PGAP4: variants seen among roughly 807,000 people sequenced by gnomAD.
PGAP4 encodes the protein post-GPI attachment to proteins GalNAc transferase 4.
Under a neutral mutation model 28.2 loss-of-function variants are expected in PGAP4, and 12 were observed. That is an observed-to-expected ratio of 0.42 (90% CI 0.27 to 0.69). The LOEUF (loss-of-function observed/expected upper bound fraction) is 0.69, where lower values mean the gene tolerates loss of function less well. Ranked by LOEUF, PGAP4 falls within the 30% of genes least tolerant of loss-of-function variation. The probability of loss-of-function intolerance (pLI) is 0.22; values close to 1 mark genes in which losing one functional copy is unlikely to be tolerated. For synonymous variants in PGAP4, 205 were observed against 211.8 expected, an observed-to-expected ratio of 0.97 and a Z score of 0.28; for missense variants, 425 against 513.5, an observed-to-expected ratio of 0.83 and a Z score of 1.67.
intron 2 of PGAP4, chr9:101,501,590 A>G: frequency 2.3e-6 from 1 of 443,052 alleles, no homozygotes; most frequent in East Asian, 6.8e-5. Context: ...AATTGTGTGG[A>G]TTGCTTCTGG....
chr9:101,488,880 G>A (rs147486720), upstream of PGAP4, among the ~76,000 whole-genome samples: 54 of 152,262 alleles, frequency 3.5e-4, no homozygotes, highest in African/African-American at 1.3e-3. Context: ...TTTCTAGAGA[G>A]TAAGGATTCA....
At chr9:101,522,019 T>C (rs1826992975) in intron 2 of PGAP4, among the ~76,000 whole-genome samples, 1 of 152,194 alleles carries the variant, frequency 6.6e-6, no homozygotes, top group Non-Finnish European at 1.5e-5. Flanking sequence ...ATTTGCATTG[T>C]TTCAAAGGTT....
intron 2 of PGAP4, among the ~76,000 whole-genome samples, chr9:101,505,796 C>G (rs552747490): frequency 1.6e-4 from 25 of 152,202 alleles, no homozygotes; most frequent in African/African-American, 5.8e-4. Flanking sequence ...CTACCCACCC[C>G]CTTTGTAAAT....
chr9:101,483,237 T>C lies in PGAP4; in HGVS notation c.-78+3712A>G, dbSNP rs117942777. The stretch of plus-strand genomic sequence containing the variant: ...AATAATTGGCTTCTTTTGACCTCTA[T>C]GGGTCTCAGGTCCTCAGCTATAAAA... On this transcript the variant is annotated intron_variant, in intron 1 of 1. Coordinates refer to ENST00000374848, the MANE Select transcript of PGAP4 (RefSeq NM_032342.3). Among the ~76,000 whole-genome samples, 63 of 152,322 alleles carry C rather than the reference T, an allele frequency of 4.1e-4. 1 individual carries two copies. In the East Asian group the frequency reaches 0.012, roughly 29 times the overall value.
At chr9:101,477,915 G>A (rs1445049819) in intron 1 of PGAP4, among the ~76,000 whole-genome samples, 1 of 148,770 alleles carries the variant, frequency 6.7e-6, no homozygotes, top group African/African-American at 2.5e-5. Context: ...TTTTCAATGA[G>A]GGAGCGGGGG....
chr9:101,482,785 A>G (rs898480497), intron 1 of PGAP4, among the ~76,000 whole-genome samples: 3 of 151,986 alleles, frequency 2.0e-5, no homozygotes, highest in Admixed American at 2.0e-4. Flanking sequence ...CCCCTCAAGT[A>G]CTGGGGCCCT....
chr9:101,510,627 T>C (rs1826888927), intron 2 of PGAP4, among the ~76,000 whole-genome samples: 1 of 152,180 alleles, frequency 6.6e-6, no homozygotes, highest in Admixed American at 6.5e-5. Context: ...TCTTCTGCTG[T>C]TTCATAATTG....
chr9:101,492,861 C>G (rs955868736), intron 2 of PGAP4, among the ~76,000 whole-genome samples: 1 of 152,068 alleles, frequency 6.6e-6, no homozygotes, highest in Non-Finnish European at 1.5e-5. Context: ...TAAACTCCCC[C>G]TTAAACTGCT....
upstream of PGAP4, among the ~76,000 whole-genome samples, chr9:101,491,890 T>C (rs1826693422): frequency 6.8e-6 from 1 of 146,836 alleles, no homozygotes; most frequent in South Asian, 2.1e-4. Context: ...TGGCCCAGAA[T>C]ATAGCCTGTC....
chr9:101,485,116 T>C lies in PGAP4; in HGVS notation c.-78+1833A>G, dbSNP rs532159781. ...TAGCTATAATAAATTAAATGATGTA[T>C]ATATATATCTGTTTGTGGATTTTGG... On this transcript the variant is annotated intron_variant, in intron 1 of 1. Transcript: ENST00000374848. Among the ~76,000 whole-genome samples the C allele has an allele frequency of 2.0e-5, 3 of 152,222 alleles. No homozygotes were observed. The South Asian group carries it at 6.2e-4, about 32-fold the overall frequency.
At chr9:101,481,004 T>C (rs1374776982) in intron 1 of PGAP4, among the ~76,000 whole-genome samples, 1 of 151,948 alleles carries the variant, frequency 6.6e-6, no homozygotes, top group Non-Finnish European at 1.5e-5. Context: ...TGGCAAAACC[T>C]AGTCTCAACA....
chr9:101,475,771 T>C lies in PGAP4; in HGVS notation c.*110A>G. 8.0e-7 allele frequency: 1 copy of C among 1,247,676 alleles called. No homozygotes were observed. 77.3% of individuals were successfully genotyped at this position (1,247,676 alleles called of 1,614,324 possible). ...CCTCAGCTGCCCCAGTGCCTATATC[T>C]CTAACAACAGTAAACAGTGAAATAC... On this transcript the variant is annotated 3_prime_UTR_variant, in exon 2 of 2. Transcript: ENST00000374848.
intron 1 of PGAP4, chr9:101,479,940 G>C (rs1405455990): frequency 6.6e-6 from 1 of 152,038 alleles, no homozygotes; most frequent in Non-Finnish European, 1.5e-5. Flanking sequence ...TTACATCCTT[G>C]TTTCAGTGTG....
chr9:101,475,948 G>T lies in PGAP4; in HGVS notation c.1145C>A (p.Pro382Gln). The T allele has an allele frequency of 6.2e-7, 1 of 1,614,194 alleles. No homozygotes were observed. The highest frequency in any genetic ancestry group is 1.1e-5 in the South Asian group (1 of 91,082). Residue 382 changes from proline to glutamine, a missense_variant, in exon 2 of 2, where the codon CCG becomes CAG. Transcript: ENST00000374848. The part of the protein sequence containing the change: ...AKGERAYVVE[P>Q]NLVKHIGLFS... ...GAGCCCGATGTGTTTCACGAGGTTC[G>T]GCTCCACTACATAGGCCCTCTCTCC...
intron 2 of PGAP4, among the ~76,000 whole-genome samples, chr9:101,494,368 T>G (rs1826717706): frequency 6.6e-6 from 1 of 152,056 alleles, no homozygotes; most frequent in African/African-American, 2.4e-5. Flanking sequence ...GTTTTCATCT[T>G]TGTTTACAAA....
intron 2 of PGAP4, among the ~76,000 whole-genome samples, chr9:101,496,472 G>A (rs142227059): frequency 1.2e-3 from 181 of 151,442 alleles, no homozygotes; most frequent in African/African-American, 4.1e-3. Context: ...TTAAGAAAAC[G>A]TTATTGTTTC....
exon 1 of PGAP4, chr9:101,532,769 G>C (rs948194057): frequency 6.6e-6 from 1 of 152,184 alleles, no homozygotes; most frequent in African/African-American, 2.4e-5. Flanking sequence ...TCCACTGCCA[G>C]GCACCAGGAA....
rs1826350708 is a variant in PGAP4 at position 101,477,209 on chromosome 9, A to AC, written c.-77-41_-77-40insG. On this transcript the variant is annotated intron_variant, in intron 1 of 1. Coordinates refer to ENST00000374848, the MANE Select transcript of PGAP4 (RefSeq NM_032342.3). ...AGTAGGGAATGGTAAGAGTAACTTA[A>AC]AAAAACAAACAAACAAACAAACAAA... 5 of 1,311,676 alleles carry AC rather than the reference A, an allele frequency of 3.8e-6. No individual in the cohort carries two copies. In the East Asian group the frequency reaches 1.0e-4, roughly 27 times the overall value. The allele number at this position is 1,311,676 out of a possible 1,614,324, so 81.3% of individuals were successfully genotyped here.
chr9:101,509,608 A>T (rs901128007), intron 2 of PGAP4, among the ~76,000 whole-genome samples: 9 of 152,194 alleles, frequency 5.9e-5, no homozygotes, highest in African/African-American at 2.2e-4. Context: ...CTCCTCACAG[A>T]GCTGCACAAA....
Sources: gnomAD v4.1 joint callset for allele counts (sites outside exome capture counted in the v4.1 genomes callset) on GRCh38, gnomAD v4.1.1 for gene constraint, MANE v1.5 for transcripts, NCBI Gene and HGNC (gene_info 2026-07-23, HGNC 2026-07-21) for gene names.